UPF2: variants seen among roughly 807,000 people sequenced by gnomAD.
UPF2 encodes regulator of nonsense transcripts 2.
UPF2 carries 17 observed loss-of-function variants against 141.4 expected under a neutral mutation model. The observed-to-expected ratio is 0.12, with a 90% CI of 0.08 to 0.18. The LOEUF (loss-of-function observed/expected upper bound fraction) is 0.18, where lower values mean the gene tolerates loss of function less well. Among genes scored for constraint, UPF2 ranks in the 10% least tolerant of loss-of-function variants. The pLI, the probability that UPF2 is intolerant of heterozygous loss-of-function variation, is 1.00. For synonymous variants in UPF2, 540 were observed against 498.0 expected (o/e 1.08, Z -1.12); for missense variants, 1,152 against 1,515.9 (o/e 0.76, Z 3.99).
intron 4 of UPF2, among the ~76,000 whole-genome samples, chr10:12,007,492 C>G (rs906335909): frequency 6.6e-6 from 1 of 151,906 alleles, no homozygotes; most frequent in East Asian, 1.9e-4. Flanking sequence ...AGGCACAGGA[C>G]AAGAGAAAAA....
At position 12,016,672 on chromosome 10, in the gene UPF2, C is replaced by T. The variant is rs187338418; in HGVS notation, c.1146-2488G>A. On this transcript the variant is annotated intron_variant, in intron 3 of 21. Coordinates refer to ENST00000357604, the MANE Select transcript of UPF2 (RefSeq NM_015542.4). This position sits in a 1 kb window ranked among gnomAD's most constrained non-coding sequence, Gnocchi z 4.1. ...TTGCACCACTGTACTCCAGCCTGGG[C>T]GACAGAGCAAGACTGTCTAAAAAAA... 3.9e-3 allele frequency among the ~76,000 whole-genome samples: 586 copies of T among 149,528 alleles called. 2 individuals carry two copies. Among genetic ancestry groups the T allele is most frequent in the African/African-American group, 0.014 (559 of 40,492 alleles).
At chr10:12,024,388 T>C (rs1834372148) in intron 3 of UPF2, among the ~76,000 whole-genome samples, 1 of 152,098 alleles carries the variant, frequency 6.6e-6, no homozygotes, top group African/African-American at 2.4e-5. Flanking sequence ...GGCAGGCAGA[T>C]CATCTGAGGT....
intron 18 of UPF2, among the ~76,000 whole-genome samples, chr10:11,941,181 A>C (rs1342573327): frequency 6.6e-6 from 1 of 152,228 alleles, no homozygotes; most frequent in African/African-American, 2.4e-5. Flanking sequence ...TGTTAAGCAC[A>C]CAATAGGTAC....
At chr10:11,952,398 C>T in intron 14 of UPF2, 149 bp from the exon 15 acceptor site, 1 of 636,558 alleles carries the variant, frequency 1.6e-6, no homozygotes, top group South Asian at 2.5e-5. Flanking sequence ...TGGTCAACAG[C>T]AATGATCCTA....
At chr10:11,951,902 A>T (rs1304838585) in intron 15 of UPF2, 164 bp downstream of exon 15, 2 of 631,102 alleles carry the variant, frequency 3.2e-6, no homozygotes, top group Non-Finnish European at 5.2e-6. Context: ...TACTTAGTGA[A>T]ATCAAGCACA....
chr10:12,011,753 C>T (rs551141208), intron 4 of UPF2, among the ~76,000 whole-genome samples: 2 of 151,868 alleles, frequency 1.3e-5, no homozygotes, highest in African/African-American at 4.8e-5. Context: ...CGAGACCAGC[C>T]TGACCAACAT....
chr10:11,954,035 G>T (rs980372170), intron 14 of UPF2, among the ~76,000 whole-genome samples: 6 of 152,200 alleles, frequency 3.9e-5, no homozygotes, highest in Non-Finnish European at 7.3e-5. Context: ...GCACTTGATA[G>T]TGAGTTGTTC....
chr10:12,015,894 T>C (rs981169806), intron 3 of UPF2, among the ~76,000 whole-genome samples: 7 of 152,154 alleles, frequency 4.6e-5, no homozygotes, highest in Non-Finnish European at 1.0e-4. Flanking sequence ...ATATATTAGA[T>C]ATCATTCTAC....
chr10:12,007,891 C>CT (rs946546228), intron 4 of UPF2, among the ~76,000 whole-genome samples: 27 of 142,528 alleles, frequency 1.9e-4, no homozygotes, highest in African/African-American at 2.0e-4. Context: ...ATACAAAGTG[C>CT]TTTTTTTTTT....
chr10:12,031,031 G>A lies in UPF2; in HGVS notation c.366-1507C>T, dbSNP rs538742488. ...CTACTAAAAATACAAAAAATTAGCC[G>A]GGCGCAGTGGCAGGCACCTGTAATC... On this transcript the variant is annotated intron_variant, in intron 2 of 21. Coordinates refer to ENST00000357604, the MANE Select transcript of UPF2 (RefSeq NM_015542.4). 5.3e-4 allele frequency among the ~76,000 whole-genome samples: 81 copies of A among 151,654 alleles called. 1 individual carries two copies. The highest frequency in any genetic ancestry group is 1.6e-4 in the Non-Finnish European group (11 of 67,934).
In UPF2 at chr10:12,019,893, T is replaced by C. The variant is rs1232615462; in HGVS notation, c.1146-5709A>G. 6.6e-6 allele frequency among the ~76,000 whole-genome samples: 1 copy of C among 151,996 alleles called. No individual in the cohort carries two copies. Among genetic ancestry groups the C allele is most frequent in the Non-Finnish European group, 1.5e-5 (1 of 67,986 alleles). On this transcript the variant is annotated intron_variant, in intron 3 of 21. Transcript: ENST00000357604. The surrounding 1 kb of genome is among the most constrained non-coding windows in gnomAD (Gnocchi z 4.5). ...GAGCCTGCCACCACACCCGGCTAAT[T>C]TTTGTATTTTTAGTAGAGACGGGGT...
At chr10:11,968,305 A>G (rs940068359) in intron 9 of UPF2, among the ~76,000 whole-genome samples, 8 of 152,366 alleles carry the variant, frequency 5.3e-5, no homozygotes, top group Admixed American at 2.6e-4. Context: ...TTGGAGAATA[A>G]AATGAATTTT....
intron 8 of UPF2, among the ~76,000 whole-genome samples, chr10:11,995,627 A>G (rs933742431): frequency 6.6e-6 from 1 of 152,060 alleles, no homozygotes; most frequent in African/African-American, 2.4e-5. Context: ...TACTAAAAAT[A>G]TAAAAATTAG....
chr10:11,990,205 T>TA (rs1833756626), intron 8 of UPF2, among the ~76,000 whole-genome samples: 1 of 152,216 alleles, frequency 6.6e-6, no homozygotes, highest in Non-Finnish European at 1.5e-5. Context: ...ATCAACATGC[T>TA]TCTTTCAATG....
chr10:11,983,709 G>A (rs1192923429), intron 8 of UPF2, among the ~76,000 whole-genome samples: 1 of 151,922 alleles, frequency 6.6e-6, no homozygotes, highest in Non-Finnish European at 1.5e-5. Flanking sequence ...TATTAAATAT[G>A]ATTTGCTAGT....
intron 18 of UPF2, among the ~76,000 whole-genome samples, chr10:11,938,867 T>TTTG (rs1832895878): frequency 2.9e-5 from 3 of 103,358 alleles, no homozygotes; most frequent in East Asian, 3.2e-4. Context: ...TTTTTTTTTT[T>TTTG]TTTTTTTTTT....
chr10:11,951,985 G>A, intron 15 of UPF2, 81 bp downstream of exon 15: 1 of 1,389,178 alleles, frequency 7.2e-7, no homozygotes, highest in Non-Finnish European at 1.0e-6. Context: ...TGTAAGCTCT[G>A]ACTGGTAACA....
At chr10:12,006,121 C>A (rs1834031536) in intron 4 of UPF2, among the ~76,000 whole-genome samples, 1 of 152,126 alleles carries the variant, frequency 6.6e-6, no homozygotes, top group Non-Finnish European at 1.5e-5. Flanking sequence ...TTCAGGGGAT[C>A]CACCTGCCTC....
Position 11,931,498 on chromosome 10 carries a change from A to C in UPF2, c.3688+143T>G. 1 of 908,164 alleles carries C rather than the reference A, an allele frequency of 1.1e-6. No individual in the cohort carries two copies. The highest frequency in any genetic ancestry group is 2.5e-5 in the South Asian group (1 of 40,750). The allele number at this position is 908,164 out of a possible 1,614,324, so 56.3% of individuals were successfully genotyped here. On this transcript the variant is annotated intron_variant, in intron 20 of 21. Transcript: ENST00000357604. This position sits in a 1 kb window ranked among gnomAD's most constrained non-coding sequence, Gnocchi z 5.9. ...TTATATTATTGTTATTTTACAAATA[A>C]GTGAAAGAAAAACAGTGGGATACAA... is the stretch of plus-strand genomic sequence containing the variant.
Sources: gnomAD v4.1 joint callset for allele counts (sites outside exome capture counted in the v4.1 genomes callset) on GRCh38, gnomAD v4.1.1 for gene constraint, Gnocchi (gnomAD v3.1) non-coding constraint, MANE v1.5 for transcripts, NCBI Gene and HGNC (gene_info 2026-07-23, HGNC 2026-07-21) for gene names.